Variants in KCNB2 observed in about 807,000 individuals in gnomAD.
The protein encoded by KCNB2 is delayed rectifier potassium channel protein.
KCNB2 carries 15 observed loss-of-function variants against 61.5 expected under a neutral mutation model. The observed-to-expected ratio is 0.24, with a 90% CI of 0.16 to 0.38. The LOEUF is 0.38. Among genes scored for constraint, KCNB2 ranks in the 10% least tolerant of loss-of-function variants. The pLI is 1.00. For synonymous variants in KCNB2, 457 were observed against 446.0 expected (o/e 1.02, Z -0.31); for missense variants, 828 against 1,125.2 (o/e 0.74, Z 3.78).
At chr8:72,596,292 G>C (rs1807188643) in intron 2 of KCNB2, among the ~76,000 whole-genome samples, 1 of 152,198 alleles carries the variant, frequency 6.6e-6, no homozygotes, top group Non-Finnish European at 1.5e-5. Context: ...GCAAAGAGCA[G>C]CCTCTGGCAG....
chr8:72,550,304 C>G (rs1003089196), intron 1 of KCNB2, among the ~76,000 whole-genome samples: 2 of 152,162 alleles, frequency 1.3e-5, no homozygotes, highest in African/African-American at 4.8e-5. Context: ...GAAATTGTAG[C>G]CAGCTTTTTA....
At chr8:72,805,759 T>C (rs1473993255) in intron 2 of KCNB2, among the ~76,000 whole-genome samples, 1 of 152,190 alleles carries the variant, frequency 6.6e-6, no homozygotes, top group Non-Finnish European at 1.5e-5. Flanking sequence ...CCAACATCAT[T>C]ATGCCCCTTT....
At chr8:72,837,171 A>G (rs1170047937) in intron 2 of KCNB2, among the ~76,000 whole-genome samples, 1 of 152,198 alleles carries the variant, frequency 6.6e-6, no homozygotes, top group Non-Finnish European at 1.5e-5. Flanking sequence ...GATACTGTCT[A>G]GTGTTCTCAT....
chr8:72,853,747 G>C (rs1810158939), intron 2 of KCNB2, among the ~76,000 whole-genome samples: 1 of 152,184 alleles, frequency 6.6e-6, no homozygotes. Flanking sequence ...TTCTCTGAGA[G>C]TTGATGTTTC....
intron 2 of KCNB2, among the ~76,000 whole-genome samples, chr8:72,586,716 T>A (rs935037752): frequency 1.3e-5 from 2 of 152,312 alleles, no homozygotes; most frequent in East Asian, 3.9e-4. Flanking sequence ...CAGGGGCATT[T>A]TCAACTTGAA....
intron 2 of KCNB2, among the ~76,000 whole-genome samples, chr8:72,674,803 G>A (rs1212030776): frequency 1.3e-5 from 2 of 152,202 alleles, no homozygotes; most frequent in African/African-American, 2.4e-5. Flanking sequence ...GAAGCATAAA[G>A]CCTTCAAAGG....
At chr8:72,592,755 A>G (rs1293006357) in intron 2 of KCNB2, among the ~76,000 whole-genome samples, 2 of 152,156 alleles carry the variant, frequency 1.3e-5, no homozygotes, top group Non-Finnish European at 2.9e-5. Flanking sequence ...GAACACCCTG[A>G]AGGTCCATGC....
intron 2 of KCNB2, among the ~76,000 whole-genome samples, chr8:72,767,718 G>A (rs1808483598): frequency 6.6e-6 from 1 of 152,192 alleles, no homozygotes; most frequent in Non-Finnish European, 1.5e-5. Context: ...GTGGATATGT[G>A]TTTTCAGTTC....
At chr8:72,581,473 A>T (rs1045644653) in intron 2 of KCNB2, among the ~76,000 whole-genome samples, 4 of 152,238 alleles carry the variant, frequency 2.6e-5, no homozygotes, top group Admixed American at 6.5e-5. Flanking sequence ...CACATAAAGA[A>T]CACTGACTGT....
chr8:72,929,815 T>C (rs1806739852), intron 2 of KCNB2, among the ~76,000 whole-genome samples: 1 of 152,150 alleles, frequency 6.6e-6, no homozygotes, highest in Admixed American at 6.5e-5. Flanking sequence ...TTTTTATTAT[T>C]ATACTTTAAG....
chr8:72,708,154 C>A (rs1030365623), intron 2 of KCNB2, among the ~76,000 whole-genome samples: 1 of 152,174 alleles, frequency 6.6e-6, no homozygotes, highest in African/African-American at 2.4e-5. Flanking sequence ...AAGGAACCTG[C>A]TGCTGTGGTC....
intron 2 of KCNB2, among the ~76,000 whole-genome samples, chr8:72,659,835 CAT>C (rs1245198740): frequency 1.3e-5 from 2 of 152,140 alleles, no homozygotes; most frequent in African/African-American, 4.8e-5. Flanking sequence ...TTTTATTAGA[CAT>C]AATGCTATTG....
Position 72,843,406 on chromosome 8 carries a change from T to C in KCNB2, c.580-92529T>C, listed in dbSNP as rs112760087. ...GTGATGTGGTGCTGAGAAGAATGTATATTCTGTTGATTTGGGGTGGAGAGT... is the reference window on the plus strand; with the variant it reads ...GTGATGTGGTGCTGAGAAGAATGTACATTCTGTTGATTTGGGGTGGAGAGT... On this transcript the variant is annotated intron_variant, in intron 2 of 2. Transcript: ENST00000523207. Among the ~76,000 whole-genome samples, 755 of 152,332 alleles carry C rather than the reference T, an allele frequency of 5.0e-3. 6 individuals are homozygous for C. The highest frequency in any genetic ancestry group is 0.013 in the African/African-American group (555 of 41,576).
intron 2 of KCNB2, among the ~76,000 whole-genome samples, chr8:72,684,556 T>C (rs2128989412): frequency 6.6e-6 from 1 of 152,212 alleles, no homozygotes; most frequent in Non-Finnish European, 1.5e-5. Flanking sequence ...CATCACCCCC[T>C]CCTCACCCCC....
At chr8:72,765,057 T>C (rs1808440179) in intron 2 of KCNB2, among the ~76,000 whole-genome samples, 1 of 152,212 alleles carries the variant, frequency 6.6e-6, no homozygotes, top group Admixed American at 6.5e-5. Flanking sequence ...ATAACTCTGT[T>C]TAATTGTGAG....
At chr8:72,589,199 A>C (rs891453564) in intron 2 of KCNB2, among the ~76,000 whole-genome samples, 3 of 152,208 alleles carry the variant, frequency 2.0e-5, no homozygotes, top group African/African-American at 7.2e-5. Context: ...GTGTGAGTGT[A>C]GGTTCCTTCT....
Position 72,864,931 on chromosome 8 carries a change from T to G in KCNB2, c.580-71004T>G, listed in dbSNP as rs1304586173. On this transcript the variant is annotated intron_variant, in intron 2 of 2. Coordinates refer to ENST00000523207, the MANE Select transcript of KCNB2 (RefSeq NM_004770.3). ...AGGAATCAGAACCAGCATTAGATAC[T>G]TATATGTTTGTCCTGCTGACACCTA... 3.9e-5 allele frequency among the ~76,000 whole-genome samples: 6 copies of G among 152,158 alleles called. No individual in the cohort carries two copies. The East Asian group carries it at 1.2e-3, about 29-fold the overall frequency.
At chr8:72,624,082 A>G (rs1805752678) in intron 2 of KCNB2, among the ~76,000 whole-genome samples, 2 of 152,172 alleles carry the variant, frequency 1.3e-5, no homozygotes, top group African/African-American at 4.8e-5. Flanking sequence ...CCTCCTCCTC[A>G]TTTCTCTACT....
At chr8:72,736,260 C>T (rs575549816) in intron 2 of KCNB2, among the ~76,000 whole-genome samples, 1 of 151,910 alleles carries the variant, frequency 6.6e-6, no homozygotes, top group African/African-American at 2.4e-5. Context: ...CCTATTGTCC[C>T]TCTATCATTT....
Sources: gnomAD v4.1 joint callset for allele counts (sites outside exome capture counted in the v4.1 genomes callset) on GRCh38, gnomAD v4.1.1 for gene constraint, MANE v1.5 for transcripts, NCBI Gene and HGNC (gene_info 2026-07-23, HGNC 2026-07-21) for gene names.